Variants in MED12L observed in about 807,000 individuals in gnomAD.
MED12L encodes mediator of RNA polymerase II transcription subunit 12-like protein.
A neutral mutation model predicts 281.3 loss-of-function variants in MED12L; 60 were observed. The observed-to-expected ratio is 0.21, with a 90% CI of 0.17 to 0.26. MED12L has a LOEUF of 0.26. MED12L is among the 10% of genes least tolerant of loss of function. MED12L has a pLI of 1.00. For missense variants in MED12L, 2,146 were observed against 2,680.9 expected, an observed-to-expected ratio of 0.80 and a Z score of 4.41; for synonymous variants, 974 against 987.2, an observed-to-expected ratio of 0.99 and a Z score of 0.25.
chr3:151,266,887 G>A (rs1739936973), intron 16 of MED12L, among the ~76,000 whole-genome samples: 1 of 152,176 alleles, frequency 6.6e-6, no homozygotes, highest in Admixed American at 6.5e-5. Context: ...TGTTGTAGGA[G>A]TCTGTAACTT....
intron 16 of MED12L, among the ~76,000 whole-genome samples, chr3:151,238,333 G>C (rs891061259): frequency 1.3e-5 from 2 of 152,102 alleles, no homozygotes; most frequent in South Asian, 4.1e-4. Context: ...TTTTAGTAGA[G>C]ACGGGGTTTC....
At chr3:151,101,425 AT>A (rs1446024357) in intron 2 of MED12L, among the ~76,000 whole-genome samples, 2 of 152,150 alleles carry the variant, frequency 1.3e-5, no homozygotes, top group African/African-American at 4.8e-5. Context: ...GCCCAGGGTC[AT>A]TGAGTGGCAT....
intron 16 of MED12L, among the ~76,000 whole-genome samples, chr3:151,262,732 A>G (rs938408069): frequency 6.6e-6 from 1 of 150,420 alleles, no homozygotes; most frequent in African/African-American, 2.4e-5. Context: ...TGCACTAGGA[A>G]GATAACAGGA....
At chr3:151,239,773 T>A (rs1733704553) in intron 16 of MED12L, among the ~76,000 whole-genome samples, 1 of 152,186 alleles carries the variant, frequency 6.6e-6, no homozygotes, top group Admixed American at 6.5e-5. Flanking sequence ...TTGTTATGGT[T>A]GTTAGTTTGC....
At chr3:151,125,263 G>T (rs1011268736) in intron 4 of MED12L, among the ~76,000 whole-genome samples, 1 of 152,180 alleles carries the variant, frequency 6.6e-6, no homozygotes, top group African/African-American at 2.4e-5. Flanking sequence ...TGGTCGGTCT[G>T]CTTTCTTAAT....
intron 16 of MED12L, among the ~76,000 whole-genome samples, chr3:151,323,491 C>G (rs1400566849): frequency 6.6e-6 from 1 of 152,218 alleles, no homozygotes; most frequent in Non-Finnish European, 1.5e-5. Context: ...CTCAGGCCCC[C>G]TGCAACCCTC....
intron 5 of MED12L, among the ~76,000 whole-genome samples, chr3:151,136,022 G>A (rs1716089344): frequency 6.6e-6 from 1 of 152,142 alleles, no homozygotes; most frequent in South Asian, 2.1e-4. Flanking sequence ...ACTGCCTGGG[G>A]CACTGCTCTG....
intron 39 of MED12L, among the ~76,000 whole-genome samples, chr3:151,406,802 CTTTT>C (rs36114038): frequency 2.2e-5 from 3 of 137,354 alleles, no homozygotes; most frequent in Admixed American, 7.2e-5. Context: ...TCTTCTTCTT[CTTTT>C]TTTTTTTTTT....
chr3:151,310,391 G>T (rs1310744987), intron 16 of MED12L, among the ~76,000 whole-genome samples: 1 of 152,178 alleles, frequency 6.6e-6, no homozygotes, highest in Non-Finnish European at 1.5e-5. Context: ...AAATGGCTTT[G>T]CCTGGATTAA....
At position 151,382,654 on chromosome 3, in the gene MED12L, A is replaced by T; in HGVS notation, c.4591-2A>T. 1 of 1,603,004 alleles carries T rather than the reference A, an allele frequency of 6.2e-7. No homozygotes were observed. Among genetic ancestry groups the T allele is most frequent in the Non-Finnish European group, 8.5e-7 (1 of 1,175,464 alleles). On this transcript the variant is annotated splice_acceptor_variant, in intron 32 of 44. Coordinates refer to ENST00000687756, the MANE Select transcript of MED12L (RefSeq NM_001393769.1). LOFTEE classifies it high-confidence loss of function. ...AATGGGGAGTTTTTTTCCGGATCTT[A>T]GATTTTAAGTAACTGGAGAGAAGAA... is the stretch of plus-strand genomic sequence containing the variant.
intron 39 of MED12L, among the ~76,000 whole-genome samples, chr3:151,398,388 T>TA (rs1274692763): frequency 6.6e-6 from 1 of 152,224 alleles, no homozygotes; most frequent in East Asian, 1.9e-4. Context: ...CCTTCAGTGA[T>TA]ACACAATGAA....
At chr3:151,216,340 G>A (rs947616596) in intron 16 of MED12L, among the ~76,000 whole-genome samples, 3 of 152,130 alleles carry the variant, frequency 2.0e-5, no homozygotes, top group Admixed American at 2.0e-4. Flanking sequence ...ATCTGTATTT[G>A]TGGTGCCAGC....
At chr3:151,296,857 T>C (rs537466390) in intron 16 of MED12L, among the ~76,000 whole-genome samples, 11 of 152,182 alleles carry the variant, frequency 7.2e-5, no homozygotes, top group Non-Finnish European at 1.6e-4. Flanking sequence ...GGTTTTGTTA[T>C]AGAGATAACA....
chr3:151,145,848 C>T (rs945998775), intron 5 of MED12L, among the ~76,000 whole-genome samples: 2 of 152,210 alleles, frequency 1.3e-5, no homozygotes, highest in Non-Finnish European at 2.9e-5. Context: ...TTTCCTTCAT[C>T]TCCACTTTAG....
At chr3:151,278,068 A>G (rs1275360957) in intron 16 of MED12L, among the ~76,000 whole-genome samples, 1 of 152,232 alleles carries the variant, frequency 6.6e-6, no homozygotes, top group Non-Finnish European at 1.5e-5. Context: ...CTAAATCATA[A>G]ATGATAATAT....
intron 16 of MED12L, among the ~76,000 whole-genome samples, chr3:151,288,474 AATGATAT>A (rs371120110): frequency 3.3e-5 from 5 of 152,268 alleles, no homozygotes; most frequent in African/African-American, 1.2e-4. Flanking sequence ...CACTAATGGT[AATGATAT>A]AAGTTGTGTT....
rs142831814 is a variant in MED12L, at chr3:151,329,779, T to C, written c.2251-20280T>C. 7.1e-4 allele frequency among the ~76,000 whole-genome samples: 108 copies of C among 152,320 alleles called. No individual in the cohort carries two copies. The East Asian group carries it at 0.015, about 22-fold the overall frequency. ...TTGAAGTTTATCTTCTTGATCTGCATGTTCAGTGAACTTTTTGAGTGCCTC... is the reference window on the plus strand; with the variant it reads ...TTGAAGTTTATCTTCTTGATCTGCACGTTCAGTGAACTTTTTGAGTGCCTC... On this transcript the variant is annotated intron_variant, in intron 16 of 44. Coordinates refer to ENST00000687756, the MANE Select transcript of MED12L (RefSeq NM_001393769.1).
At chr3:151,400,556 T>C (rs1432257812) in intron 39 of MED12L, among the ~76,000 whole-genome samples, 2 of 152,146 alleles carry the variant, frequency 1.3e-5, no homozygotes, top group African/African-American at 4.8e-5. Flanking sequence ...GTGGAGCAGG[T>C]CCCATCATTT....
chr3:151,331,631 A>G, intron 16 of MED12L, among the ~76,000 whole-genome samples: 1 of 152,224 alleles, frequency 6.6e-6, no homozygotes, highest in Non-Finnish European at 1.5e-5. Flanking sequence ...AGAAGAATCA[A>G]AGAAGATACA....
Sources: allele counts gnomAD v4.1 joint callset (sites outside exome capture counted in the v4.1 genomes callset), GRCh38; gene constraint gnomAD v4.1.1; transcripts MANE v1.5; gene names NCBI Gene and HGNC (gene_info 2026-07-23, HGNC 2026-07-21).